The following GLI2 variants were observed in gnomAD, a reference collection of about 807,000 sequenced individuals.
The protein encoded by GLI2 is GLI family zinc finger 2, also known as transcription activator GLI2.
Under a neutral mutation model 78.9 loss-of-function variants are expected in GLI2, and 22 were observed. That is an observed-to-expected ratio of 0.28 (90% CI 0.20 to 0.40). GLI2 has a LOEUF of 0.40. Among genes scored for constraint, GLI2 ranks in the 10% least tolerant of loss-of-function variants. The pLI, the probability that GLI2 is intolerant of heterozygous loss-of-function variation, is 1.00. For missense variants in GLI2, 2,097 were observed against 2,213.2 expected (o/e 0.95, Z 1.05); for synonymous variants, 974 against 963.7 (o/e 1.01, Z -0.20).
At chr2:120,931,642 C>T (rs146835954) in intron 3 of GLI2, among the ~76,000 whole-genome samples, 286 of 152,258 alleles carry the variant, frequency 1.9e-3, no homozygotes, top group Middle Eastern at 6.8e-3. Context: ...CAGGCACGGC[C>T]CTGGGCCCTG....
intron 4 of GLI2, 88 bp from the exon 5 acceptor site, chr2:120,955,152 CCTTTT>C (rs2104964078): frequency 0.016 from 4,825 of 302,442 alleles, 246 homozygotes; most frequent in East Asian, 0.034. Context: ...TTTCTCTCTG[CCTTTT>C]TTTTTTTTTT....
chr2:120,951,538 C>T, intron 4 of GLI2, 93 bp downstream of exon 4: 2 of 763,660 alleles, frequency 2.6e-6, no homozygotes, highest in African/African-American at 1.7e-5. Context: ...ACTCCTCAGC[C>T]TTGGTCCCCT....
intron 2 of GLI2, among the ~76,000 whole-genome samples, chr2:120,831,842 A>G (rs1283066238): frequency 6.6e-6 from 1 of 152,208 alleles, no homozygotes; most frequent in Non-Finnish European, 1.5e-5. Context: ...TCATGCTCAC[A>G]AAGTACCTGC....
chr2:120,925,942 G>C (rs944891359), intron 2 of GLI2, among the ~76,000 whole-genome samples: 1 of 151,790 alleles, frequency 6.6e-6, no homozygotes, highest in African/African-American at 2.4e-5. Flanking sequence ...GCGTGGTGTC[G>C]GGCACCTGTG....
intron 1 of GLI2, 32 bp from the exon 2 acceptor site, chr2:120,797,259 G>A: frequency 6.3e-7 from 1 of 1,575,464 alleles, no homozygotes; most frequent in Non-Finnish European, 8.7e-7. Flanking sequence ...TTTGGGCTCA[G>A]TGTTGGTGAG....
chr2:120,737,805 A>T lies in GLI2; in HGVS notation c.-31+1520A>T, dbSNP rs1209290497. The stretch of plus-strand genomic sequence containing the variant: ...GCAGCATAAAATAGTGTTTAAACAA[A>T]TATTGTATTGGCATGCTCAGGGGGC... On this transcript the variant is annotated intron_variant, in intron 1 of 13. Transcript: ENST00000361492. The surrounding 1 kb of genome is among the most constrained non-coding windows in gnomAD (Gnocchi z 4.3). 6.6e-6 allele frequency among the ~76,000 whole-genome samples: 1 copy of T among 152,250 alleles called. No individual in the cohort carries two copies. Among genetic ancestry groups the T allele is most frequent in the Non-Finnish European group, 1.5e-5 (1 of 68,042 alleles).
At chr2:120,972,528 G>A (rs903349382) in intron 8 of GLI2, 24 of 453,838 alleles carry the variant, frequency 5.3e-5, no homozygotes, top group Admixed American at 4.0e-4. Flanking sequence ...CTGAGCTCCA[G>A]GCCCACACAC....
intron 3 of GLI2, among the ~76,000 whole-genome samples, chr2:120,949,773 C>T (rs933515397): frequency 2.0e-5 from 3 of 152,216 alleles, no homozygotes; most frequent in Admixed American, 6.5e-5. Context: ...CCTGGCACAG[C>T]GGCCTCCCAG....
intron 3 of GLI2, among the ~76,000 whole-genome samples, chr2:120,950,705 G>A (rs139913720): frequency 2.1e-3 from 315 of 152,294 alleles, no homozygotes; most frequent in African/African-American, 7.3e-3. Context: ...CCCTGCGGCC[G>A]AGCTGGTCAC....
chr2:120,736,135 C>T lies in GLI2; in HGVS notation c.-181C>T, dbSNP rs1682343697. On this transcript the variant is annotated 5_prime_UTR_variant, in exon 1 of 14. Transcript: ENST00000361492. ...CCCGCCTCTCGGTCCCCTCTCTTGC[C>T]TGGCCCGCCCCGCCCCGGCTGGCTG... is the stretch of plus-strand genomic sequence containing the variant. The T allele has an allele frequency of 6.6e-6, 1 of 150,438 alleles. No individual in the cohort carries two copies. Among genetic ancestry groups the T allele is most frequent in the Non-Finnish European group, 1.5e-5 (1 of 67,568 alleles). 9.3% of individuals were successfully genotyped at this position (150,438 alleles called of 1,614,324 possible). A position where few individuals can be genotyped will look rare whatever the true frequency, so the allele number is the denominator to read the frequency against.
chr2:120,942,957 C>G (rs557729865), intron 3 of GLI2, among the ~76,000 whole-genome samples: 1 of 150,880 alleles, frequency 6.6e-6, no homozygotes, highest in East Asian at 1.9e-4. Flanking sequence ...CTCATTCATT[C>G]ATTCGTTCAC....
intron 2 of GLI2, among the ~76,000 whole-genome samples, chr2:120,837,887 A>G (rs72835564): frequency 0.025 from 3,875 of 152,230 alleles, 74 homozygotes; most frequent in Non-Finnish European, 0.036. Context: ...ACATTGTCTT[A>G]GGTCTTACAG....
In GLI2 at chr2:120,984,651, C is replaced by T. The variant is rs1682882536; in HGVS notation, c.1813C>T (p.Pro605Ser). ...ENGDSEAGTEPGGPESTEASS... is the reference protein window; with the variant it reads ...ENGDSEAGTESGGPESTEASS... Reference sequence around the variant, plus strand: ...TGGGGACAGTGAGGCCGGCACGGAGCCTGGCGGCCCAGAGAGCACCGAGGC... The same window carrying T: ...TGGGGACAGTGAGGCCGGCACGGAGTCTGGCGGCCCAGAGAGCACCGAGGC... The change falls in exon 12 of 14, where the codon CCT (proline) becomes TCT (serine). Residue 605 changes from proline to serine, a missense_variant. This residue lies in a region of GLI2 where 57 missense variants were observed against 44.5 expected (regional missense o/e 1.28). Transcript: ENST00000361492. 6.2e-7 allele frequency: 1 copy of T among 1,614,034 alleles called. No individual in the cohort carries two copies. Among genetic ancestry groups the T allele is most frequent in the Non-Finnish European group, 8.5e-7 (1 of 1,180,014 alleles).
intron 6 of GLI2, among the ~76,000 whole-genome samples, chr2:120,969,781 T>G (rs537008700): frequency 2.6e-5 from 4 of 152,274 alleles, no homozygotes; most frequent in Admixed American, 6.5e-5. Flanking sequence ...GCTGCTTGAG[T>G]GTCCTCACAA....
chr2:120,956,993 G>A (rs1011082747), intron 5 of GLI2, among the ~76,000 whole-genome samples: 1 of 152,180 alleles, frequency 6.6e-6, no homozygotes. Context: ...CTCAGTCACT[G>A]GGACAGCTCC....
intron 2 of GLI2, among the ~76,000 whole-genome samples, chr2:120,842,040 G>C (rs1025800794): frequency 8.3e-6 from 1 of 120,858 alleles, no homozygotes; most frequent in Non-Finnish European, 1.6e-5. Context: ...AAACTCAATA[G>C]TTACCTATTT....
chr2:120,898,504 T>C (rs1300169102), intron 2 of GLI2, among the ~76,000 whole-genome samples: 1 of 152,110 alleles, frequency 6.6e-6, no homozygotes, highest in African/African-American at 2.4e-5. Context: ...TGCAGAGCCA[T>C]GCTTCAGGGA....
chr2:120,761,840 G>C (rs553137286), intron 1 of GLI2, among the ~76,000 whole-genome samples: 3 of 152,222 alleles, frequency 2.0e-5, no homozygotes, highest in Non-Finnish European at 4.4e-5. Context: ...CTTGGGGCAG[G>C]GACAGGGGCT....
intron 2 of GLI2, among the ~76,000 whole-genome samples, chr2:120,897,713 TGTCTGATCTCAG>T (rs1350724642): frequency 6.6e-6 from 1 of 152,206 alleles, no homozygotes; most frequent in African/African-American, 2.4e-5. Flanking sequence ...GCCGTTAACA[TGTCTGATCTCAG>T]GCCTGAAGAT....
Sources: gnomAD v4.1 joint callset for allele counts (sites outside exome capture counted in the v4.1 genomes callset) on GRCh38, gnomAD v4.1.1 for gene constraint, gnomAD v4.1.1 regional missense constraint, Gnocchi (gnomAD v3.1) non-coding constraint, MANE v1.5 for transcripts, NCBI Gene and HGNC (gene_info 2026-07-23, HGNC 2026-07-21) for gene names.